BSN: variants seen among roughly 807,000 people sequenced by gnomAD.
BSN encodes the protein bassoon presynaptic cytomatrix protein.
Under a neutral mutation model 264.8 loss-of-function variants are expected in BSN, and 57 were observed. The ratio of observed to expected loss-of-function variants is 0.22; its 90% CI spans 0.17 to 0.27. BSN has a LOEUF of 0.27. BSN is among the 10% of genes least tolerant of loss of function. BSN has a pLI of 1.00. For missense variants in BSN, 4,615 were observed against 5,232.5 expected, an observed-to-expected ratio of 0.88 and a Z score of 3.64; for synonymous variants, 2,059 against 2,137.3, an observed-to-expected ratio of 0.96 and a Z score of 1.01.
intron 1 of BSN, among the ~76,000 whole-genome samples, chr3:49,605,604 T>A (rs1375541063): frequency 8.6e-5 from 2 of 23,258 alleles, no homozygotes; most frequent in African/African-American, 1.8e-4. Context: ...ATAATATATA[T>A]TATATATTAT....
chr3:49,580,034 CAA>C (rs1316100845), intron 1 of BSN, among the ~76,000 whole-genome samples: 1 of 152,116 alleles, frequency 6.6e-6, no homozygotes. Flanking sequence ...TCTATAGTAA[CAA>C]GATATATTGG....
At chr3:49,664,678 AGTT>A (rs1301874932) in intron 9 of BSN, 118 bp from the exon 10 acceptor site, 2 of 1,538,486 alleles carry the variant, frequency 1.3e-6, no homozygotes, top group Non-Finnish European at 1.8e-6. Context: ...GCTGATGCCC[AGTT>A]GTTCTCCGGG....
At chr3:49,602,219 T>C (rs570014457) in intron 1 of BSN, among the ~76,000 whole-genome samples, 45 of 152,306 alleles carry the variant, frequency 3.0e-4, no homozygotes, top group African/African-American at 1.0e-3. Context: ...CCTCAGGTCC[T>C]CTTGACCTGC....
At chr3:49,589,446 A>G (rs1328610036) in intron 1 of BSN, among the ~76,000 whole-genome samples, 1 of 151,024 alleles carries the variant, frequency 6.6e-6, no homozygotes, top group Non-Finnish European at 1.5e-5. Flanking sequence ...TACAAATGTT[A>G]TATCTTTCTA....
At chr3:49,637,919 G>A (rs1235981998) in intron 2 of BSN, among the ~76,000 whole-genome samples, 2 of 152,188 alleles carry the variant, frequency 1.3e-5, no homozygotes, top group Admixed American at 1.3e-4. Flanking sequence ...ATGGCAAGAT[G>A]GGCTTCCTTG....
chr3:49,642,165 C>T lies in BSN; in HGVS notation c.634-103C>T, dbSNP rs1453384298. On this transcript the variant is annotated intron_variant, in intron 2 of 11. Transcript: ENST00000296452. This position sits in a 1 kb window ranked among gnomAD's most constrained non-coding sequence, Gnocchi z 7.0. ...CCTGAGCAGGGCTTGGTGCTCCTGC[C>T]TGTGCTAGGAGTGGCCTTGGCTGCT... 4.3e-6 allele frequency: 4 copies of T among 924,582 alleles called. No homozygotes were observed. The highest frequency in any genetic ancestry group is 1.7e-5 in the African/African-American group (1 of 57,588). The allele number at this position is 924,582 out of a possible 1,614,324, so 57.3% of individuals were successfully genotyped here.
chr3:49,579,472 T>C (rs2051876853), intron 1 of BSN, among the ~76,000 whole-genome samples: 1 of 151,756 alleles, frequency 6.6e-6, no homozygotes, highest in Non-Finnish European at 1.5e-5. Context: ...GCAGGATCTC[T>C]GCTCACTGCA....
chr3:49,654,355 C>G lies in BSN; in HGVS notation c.4799C>G (p.Pro1600Arg). Residue 1600 changes from proline to arginine, a missense_variant, in exon 5 of 12, where the codon CCG becomes CGG. By Grantham distance (103) the Pro-to-Arg change is moderately radical. Transcript: ENST00000296452. This position sits in a 1 kb window ranked among gnomAD's most constrained non-coding sequence, Gnocchi z 4.1. Reference protein sequence around the residue: ...TTHGYSQTTPPSVSQLPPEPP... With the variant: ...TTHGYSQTTPRSVSQLPPEPP... ...CATGGCTACAGCCAGACAACACCTC[C>G]GAGTGTGTCTCAGCTGCCCCCAGAG... 4.3e-6 allele frequency: 7 copies of G among 1,612,888 alleles called. No individual in the cohort carries two copies. The highest frequency in any genetic ancestry group is 5.9e-6 in the Non-Finnish European group (7 of 1,179,684).
Position 49,656,035 on chromosome 3 carries a change from G to T in BSN, c.6479G>T (p.Ser2160Ile). 6.2e-7 allele frequency: 1 copy of T among 1,603,038 alleles called. No homozygotes were observed. ...CCCACCTTTCCAGAGGGCCACCCAAGTCCTGGGAACTTGGCCCAGTATGGG... is the reference window on the plus strand; with the variant it reads ...CCCACCTTTCCAGAGGGCCACCCAATTCCTGGGAACTTGGCCCAGTATGGG... The part of the protein sequence containing the change: ...GNPTFPEGHP[S>I]PGNLAQYGPA... Residue 2160 changes from serine to isoleucine, a missense_variant, in exon 5 of 12, where the codon AGT becomes ATT. Physicochemically the swap from Ser to Ile is moderately radical, Grantham distance 142. Transcript: ENST00000296452.
chr3:49,655,584 C>A lies in BSN; in HGVS notation c.6028C>A (p.Arg2010=). ...RIGQLFQGPG[R]DSAMDLSSLK... ...CGGGCAGCTCTTCCAGGGTCCTGGA[C>A]GAGACTCGGCTATGGACCTCAGCTC... Residue 2010 remains arginine (R), a synonymous_variant, in exon 5 of 12, where the codon CGA becomes AGA. Transcript: ENST00000296452. The A allele has an allele frequency of 6.2e-7, 1 of 1,613,626 alleles. No individual in the cohort carries two copies. Among genetic ancestry groups the A allele is most frequent in the South Asian group, 1.1e-5 (1 of 91,088 alleles).
rs751717369 is a variant in BSN at position 49,663,401 on chromosome 3, A to T, written c.11243A>T (p.Gln3748Leu). ...GAACCCCAGGCGCAGCCGCAGCTGC[A>T]AGGTCGGCAGGCAGCTCCAGGACCA... ...KAEPQAQPQLQGRQAAPGPQQ... is the reference protein window; with the variant it reads ...KAEPQAQPQLLGRQAAPGPQQ... Residue 3748 changes from glutamine (Q) to leucine (L), a missense_variant, in exon 7 of 12, where the codon CAA becomes CTA. Physicochemically the swap from Gln to Leu is moderately radical, Grantham distance 113. Around this residue, in one of 3 missense-constraint regions of BSN, gnomAD observed 3,415 missense variants for 3,866.4 expected, o/e 0.88. Coordinates refer to ENST00000296452, the MANE Select transcript of BSN (RefSeq NM_003458.4). 2 of 1,612,858 alleles carry T rather than the reference A, an allele frequency of 1.2e-6. No homozygotes were observed. Among genetic ancestry groups the T allele is most frequent in the African/African-American group, 2.7e-5 (2 of 74,952 alleles).
chr3:49,654,221 C>T lies in BSN; in HGVS notation c.4665C>T (p.Pro1555=), dbSNP rs143896973. Residue 1555 remains proline, a synonymous_variant, in exon 5 of 12, where the codon CCC becomes CCT. Coordinates refer to ENST00000296452, the MANE Select transcript of BSN (RefSeq NM_003458.4). This position sits in a 1 kb window ranked among gnomAD's most constrained non-coding sequence, Gnocchi z 4.1. ...GGCAGGAGTCCTCTCAAGAGGCTCC[C>T]TTTATGGTCATCACGCTGGCATCTG... ...LVWQESSQEA[P]FMVITLASDA... The T allele has an allele frequency of 5.0e-6, 8 of 1,613,630 alleles. No homozygotes were observed. The African/African-American group carries it at 9.3e-5, about 19-fold the overall frequency.
intron 1 of BSN, among the ~76,000 whole-genome samples, chr3:49,597,537 C>T (rs1033432144): frequency 2.0e-5 from 3 of 151,990 alleles, no homozygotes; most frequent in Admixed American, 2.0e-4. Context: ...CACTATGTTG[C>T]CCAGGCTGTT....
intron 1 of BSN, among the ~76,000 whole-genome samples, chr3:49,564,142 C>T (rs951002999): frequency 1.3e-5 from 2 of 152,174 alleles, no homozygotes; most frequent in Non-Finnish European, 2.9e-5. Flanking sequence ...CCTAAAAGTA[C>T]AGAGAGGCCT....
At chr3:49,606,134 AC>A (rs2052138574) in intron 1 of BSN, among the ~76,000 whole-genome samples, 1 of 4,088 alleles carries the variant, frequency 2.4e-4, no homozygotes, top group African/African-American at 5.2e-4. Flanking sequence ...TATTATATAT[AC>A]ATATATTATA....
intron 3 of BSN, among the ~76,000 whole-genome samples, chr3:49,645,276 A>C (rs1266913921): frequency 6.6e-6 from 1 of 152,056 alleles, no homozygotes; most frequent in Non-Finnish European, 1.5e-5. Context: ...AGCTCTCCCT[A>C]TCAATGCTGC....
chr3:49,650,576 T>A, intron 3 of BSN, 36 bp from the exon 4 acceptor site: 2 of 1,551,900 alleles, frequency 1.3e-6, no homozygotes, highest in Non-Finnish European at 8.7e-7. Context: ...AGTGTCTTTT[T>A]AATTTTCATC....
chr3:49,587,206 A>G (rs537019644), intron 1 of BSN, among the ~76,000 whole-genome samples: 7 of 152,252 alleles, frequency 4.6e-5, no homozygotes, highest in Non-Finnish European at 7.4e-5. Flanking sequence ...TCTTTTGCAC[A>G]TTGTTCACTG....
At position 49,660,219 on chromosome 3, in the gene BSN, A is replaced by T. The variant is rs1274674332; in HGVS notation, c.8641-267A>T. On this transcript the variant is annotated intron_variant, in intron 5 of 11. Coordinates refer to ENST00000296452, the MANE Select transcript of BSN (RefSeq NM_003458.4). This position sits in a 1 kb window ranked among gnomAD's most constrained non-coding sequence, Gnocchi z 7.1. ...TGCTGGGCCAGTACAGGACATTGGC[A>T]TGAAGGGAATCTGCCCGTACCCTCC... 6.6e-6 allele frequency among the ~76,000 whole-genome samples: 1 copy of T among 152,196 alleles called. No homozygotes were observed. Among genetic ancestry groups the T allele is most frequent in the Non-Finnish European group, 1.5e-5 (1 of 68,030 alleles).
Sources: allele counts gnomAD v4.1 joint callset (sites outside exome capture counted in the v4.1 genomes callset), GRCh38; gene constraint gnomAD v4.1.1; regional missense constraint gnomAD v4.1.1; non-coding constraint Gnocchi (gnomAD v3.1); transcripts MANE v1.5; gene names NCBI Gene and HGNC (gene_info 2026-07-23, HGNC 2026-07-21).